The following RBKS variants were observed in gnomAD, a reference collection of about 807,000 sequenced individuals.
RBKS encodes ribokinase.
A neutral mutation model predicts 33.9 loss-of-function variants in RBKS; 33 were observed. That is an observed-to-expected ratio of 0.97 (90% CI 0.74 to 1.30). RBKS has a LOEUF of 1.30. RBKS is among the 50% of genes most tolerant of loss of function. The pLI is 0.00. For synonymous variants in RBKS, 125 were observed against 143.0 expected (o/e 0.87, Z 0.90); for missense variants, 361 against 392.6 (o/e 0.92, Z 0.68).
chr2:27,802,647 G>A (rs1456926469), intron 7 of RBKS, among the ~76,000 whole-genome samples: 2 of 152,130 alleles, frequency 1.3e-5, no homozygotes, highest in Non-Finnish European at 2.9e-5. Context: ...GAAGCCCTGC[G>A]CAGCAACTCT....
intron 5 of RBKS, among the ~76,000 whole-genome samples, chr2:27,835,458 A>T (rs1471839749): frequency 9.7e-6 from 1 of 102,890 alleles, no homozygotes; most frequent in Non-Finnish European, 1.7e-5. Flanking sequence ...TGGCTCTGTC[A>T]CCCAGGCTGG....
intron 7 of RBKS, among the ~76,000 whole-genome samples, chr2:27,820,524 T>G (rs74994332): frequency 3.3e-5 from 5 of 151,838 alleles, no homozygotes; most frequent in African/African-American, 1.2e-4. Context: ...TTTTGTAGGA[T>G]AGACTCTTAG....
At chr2:27,850,851 C>T (rs1663732689) in intron 2 of RBKS, among the ~76,000 whole-genome samples, 1 of 152,148 alleles carries the variant, frequency 6.6e-6, no homozygotes, top group Non-Finnish European at 1.5e-5. Flanking sequence ...GAAGACTTCA[C>T]AAAAACAGAC....
chr2:27,862,818 G>A (rs1664016949), intron 1 of RBKS, among the ~76,000 whole-genome samples: 1 of 152,132 alleles, frequency 6.6e-6, no homozygotes, highest in Admixed American at 6.5e-5. Flanking sequence ...AGTGGAGAGA[G>A]CAACTAGGAA....
chr2:27,784,563 C>T (rs1198563094), intron 7 of RBKS, among the ~76,000 whole-genome samples: 1 of 152,168 alleles, frequency 6.6e-6, no homozygotes, highest in African/African-American at 2.4e-5. Context: ...CCCCACCTTG[C>T]CTCTGCCAGA....
Position 27,847,105 on chromosome 2 carries a change from C to A in RBKS, c.287-1G>T. The stretch of plus-strand genomic sequence containing the variant: ...GCATCTTTAGTCTGATATGTAAATT[C>A]TGAAAGAAAAAAGAAAATTACAATC... On this transcript the variant is annotated splice_acceptor_variant, in intron 3 of 7. Coordinates refer to ENST00000302188, the MANE Select transcript of RBKS (RefSeq NM_022128.3). LOFTEE classifies it high-confidence loss of function. 6.3e-7 allele frequency: 1 copy of A among 1,585,350 alleles called. No individual in the cohort carries two copies. The highest frequency in any genetic ancestry group is 1.1e-5 in the South Asian group (1 of 90,212).
At chr2:27,884,707 G>C (rs1048089627) in intron 1 of RBKS, among the ~76,000 whole-genome samples, 2 of 152,086 alleles carry the variant, frequency 1.3e-5, no homozygotes, top group Non-Finnish European at 2.9e-5. Flanking sequence ...GGGTGAACAC[G>C]AGTCTTATCT....
chr2:27,795,811 C>T lies in RBKS; in HGVS notation c.796-14023G>A, dbSNP rs916260373. On this transcript the variant is annotated intron_variant, in intron 7 of 7. Coordinates refer to ENST00000302188, the MANE Select transcript of RBKS (RefSeq NM_022128.3). This position sits in a 1 kb window ranked among gnomAD's most constrained non-coding sequence, Gnocchi z 4.1. Reference sequence around the variant, plus strand: ...AAAGAGTCTCCCTCCCTTTTGACATCCTGTAATCCCTTTGTATTTCTCTTA... The same window carrying T: ...AAAGAGTCTCCCTCCCTTTTGACATTCTGTAATCCCTTTGTATTTCTCTTA... Among the ~76,000 whole-genome samples the T allele has an allele frequency of 4.6e-5, 7 of 152,204 alleles. No individual in the cohort carries two copies. Among genetic ancestry groups the T allele is most frequent in the Admixed American group, 1.3e-4 (2 of 15,280 alleles).
chr2:27,866,216 C>G (rs1664095122), intron 1 of RBKS, among the ~76,000 whole-genome samples: 1 of 152,140 alleles, frequency 6.6e-6, no homozygotes, highest in Admixed American at 6.5e-5. Flanking sequence ...GTTTAGTTTT[C>G]AAGCACTTTA....
intron 7 of RBKS, among the ~76,000 whole-genome samples, chr2:27,817,405 T>A (rs1372182059): frequency 6.6e-6 from 1 of 152,222 alleles, no homozygotes; most frequent in East Asian, 1.9e-4. Flanking sequence ...GATCATTCAC[T>A]GATGAGAATG....
At chr2:27,876,371 G>A (rs945457587) in intron 1 of RBKS, among the ~76,000 whole-genome samples, 1 of 152,170 alleles carries the variant, frequency 6.6e-6, no homozygotes, top group Admixed American at 6.5e-5. Flanking sequence ...AGTGAAGTAA[G>A]CCAGTTACAA....
chr2:27,809,978 G>T, intron 7 of RBKS: 1 of 1,304,152 alleles, frequency 7.7e-7, no homozygotes, highest in South Asian at 1.2e-5. Context: ...GGATTCTCTG[G>T]GTTATTTATA....
At chr2:27,858,292 T>C in intron 2 of RBKS, 147 bp downstream of exon 2, 1 of 637,030 alleles carries the variant, frequency 1.6e-6, no homozygotes, top group Non-Finnish European at 2.5e-6. Flanking sequence ...ACAGAAGTGG[T>C]GGTTGAATGT....
chr2:27,797,317 G>C (rs1415771621), intron 7 of RBKS, among the ~76,000 whole-genome samples: 1 of 152,240 alleles, frequency 6.6e-6, no homozygotes, highest in Non-Finnish European at 1.5e-5. Context: ...TGTGTGCCTA[G>C]CAAGAGGGGC....
At chr2:27,805,526 CT>C (rs1368359220) in intron 7 of RBKS, among the ~76,000 whole-genome samples, 1 of 152,154 alleles carries the variant, frequency 6.6e-6, no homozygotes, top group Non-Finnish European at 1.5e-5. Flanking sequence ...TTCCCGGGTC[CT>C]TGTAGGAAAC....
At chr2:27,849,224 A>G (rs1663685202) in intron 2 of RBKS, among the ~76,000 whole-genome samples, 1 of 151,980 alleles carries the variant, frequency 6.6e-6, no homozygotes, top group Non-Finnish European at 1.5e-5. Context: ...TTTTTGCTTA[A>G]GCTATTTTGA....
intron 5 of RBKS, 94 bp from the exon 6 acceptor site, chr2:27,832,871 GT>G: frequency 1.2e-6 from 1 of 822,344 alleles, no homozygotes; most frequent in Non-Finnish European, 2.1e-6. Context: ...CCCCGAGTTC[GT>G]TTTTGTCTTC....
At chr2:27,786,083 C>T (rs1292732872) in intron 7 of RBKS, among the ~76,000 whole-genome samples, 8 of 152,032 alleles carry the variant, frequency 5.3e-5, no homozygotes, top group Non-Finnish European at 1.2e-4. Context: ...TCCATGATCC[C>T]ATTTGGGGGA....
In RBKS at chr2:27,848,034, C is replaced by G. The variant is rs1326738971; in HGVS notation, c.286G>C (p.Glu96Gln). The change falls in exon 3 of 8, where the codon GAA (glutamate) becomes CAA (glutamine). Residue 96 changes from glutamate (E) to glutamine (Q), a missense_variant and splice_region_variant. Coordinates refer to ENST00000302188, the MANE Select transcript of RBKS (RefSeq NM_022128.3). ...ENLKQNDIST[E>Q]FTYQTKDAAT... is the part of the protein sequence containing the mutation. Reference sequence around the variant, plus strand: ...ACTTTAAAAAAGGTGGGAATTTTACCTGTAGAAATATCATTCTGTTTTAAG... The same window carrying G: ...ACTTTAAAAAAGGTGGGAATTTTACGTGTAGAAATATCATTCTGTTTTAAG... 1.4e-6 allele frequency: 2 copies of G among 1,448,406 alleles called. No homozygotes were observed. The highest frequency in any genetic ancestry group is 4.6e-5 in the East Asian group (2 of 43,236). The allele number at this position is 1,448,406 out of a possible 1,614,324, so 89.7% of individuals were successfully genotyped here. A position where few individuals can be genotyped will look rare whatever the true frequency, so the allele number is the denominator to read the frequency against.
Sources: gnomAD v4.1 joint callset for allele counts (sites outside exome capture counted in the v4.1 genomes callset) on GRCh38, gnomAD v4.1.1 for gene constraint, Gnocchi (gnomAD v3.1) non-coding constraint, MANE v1.5 for transcripts, NCBI Gene and HGNC (gene_info 2026-07-23, HGNC 2026-07-21) for gene names.